ADGRG6: variants seen among roughly 807,000 people sequenced by gnomAD.
ADGRG6 encodes adhesion G protein-coupled receptor G6.
Under a neutral mutation model 142.4 loss-of-function variants are expected in ADGRG6, and 84 were observed. The ratio of observed to expected loss-of-function variants is 0.59; its 90% CI spans 0.49 to 0.71. The LOEUF is 0.71. Ranked by LOEUF, ADGRG6 falls within the 30% of genes least tolerant of loss-of-function variation. The pLI is 0.00. For missense variants in ADGRG6, 1,367 were observed against 1,466.6 expected, an observed-to-expected ratio of 0.93 and a Z score of 1.11; for synonymous variants, 521 against 520.5, an observed-to-expected ratio of 1.00 and a Z score of -0.01.
At chr6:142,402,471 T>C in intron 12 of ADGRG6, 149 bp from the exon 13 acceptor site, 1 of 567,234 alleles carries the variant, frequency 1.8e-6, no homozygotes, top group Admixed American at 3.4e-5. Context: ...TATTATTGCC[T>C]TGTGAATATG....
At position 142,417,906 on chromosome 6, in the gene ADGRG6, A is replaced by G. The variant is rs373441952; in HGVS notation, c.3035+537A>G. Among the ~76,000 whole-genome samples the G allele has an allele frequency of 2.6e-5, 4 of 152,162 alleles. 1 individual carries two copies. In the East Asian group the frequency reaches 5.8e-4, roughly 22 times the overall value. ...AGTCCACCATGGGTACTCAATAAAT[A>G]TATGTTGATTGAAAAAATTACTGAA... On this transcript the variant is annotated intron_variant, in intron 21 of 24. Coordinates refer to ENST00000367609, the MANE Select transcript of ADGRG6 (RefSeq NM_198569.3).
intron 22 of ADGRG6, among the ~76,000 whole-genome samples, chr6:142,421,389 A>C (rs112827773): frequency 5.3e-5 from 8 of 152,336 alleles, no homozygotes; most frequent in African/African-American, 1.9e-4. Flanking sequence ...AGTCCATAGA[A>C]TAAGCCTCAA....
At chr6:142,332,828 G>A (rs113753457) in intron 2 of ADGRG6, among the ~76,000 whole-genome samples, 5,187 of 152,298 alleles carry the variant, frequency 0.034, 155 homozygotes, top group Middle Eastern at 0.054. Flanking sequence ...GAAGGATCGT[G>A]GCAGTAAGAA....
chr6:142,360,911 G>A (rs766372075), intron 2 of ADGRG6, among the ~76,000 whole-genome samples: 2 of 152,204 alleles, frequency 1.3e-5, no homozygotes, highest in African/African-American at 2.4e-5. Flanking sequence ...CTCAGCCTCC[G>A]AAAGTGTTGG....
At chr6:142,342,476 T>G (rs1451513659) in intron 2 of ADGRG6, among the ~76,000 whole-genome samples, 4 of 152,096 alleles carry the variant, frequency 2.6e-5, no homozygotes, top group African/African-American at 9.7e-5. Context: ...GGAGATAAGA[T>G]TCCTGCCATT....
chr6:142,341,635 AATAT>A (rs1332715648), intron 2 of ADGRG6, among the ~76,000 whole-genome samples: 3 of 127,806 alleles, frequency 2.3e-5, no homozygotes, highest in East Asian at 2.0e-4. Context: ...TATAATATAT[AATAT>A]ATATAATATA....
chr6:142,333,051 A>G (rs1197813524), intron 2 of ADGRG6, among the ~76,000 whole-genome samples: 10 of 152,254 alleles, frequency 6.6e-5, no homozygotes, highest in Non-Finnish European at 5.9e-5. Context: ...ACAGGTTTCC[A>G]TTATTGAAAT....
chr6:142,325,366 C>T (rs1778721800), intron 2 of ADGRG6, among the ~76,000 whole-genome samples: 1 of 152,118 alleles, frequency 6.6e-6, no homozygotes, highest in Non-Finnish European at 1.5e-5. Context: ...TTACATCTCC[C>T]ACGAGGCTTG....
intron 2 of ADGRG6, among the ~76,000 whole-genome samples, chr6:142,322,270 C>T (rs1778554973): frequency 6.6e-6 from 1 of 152,036 alleles, no homozygotes; most frequent in Non-Finnish European, 1.5e-5. Flanking sequence ...CATGGTAGCA[C>T]ATGCCTGTGG....
chr6:142,347,112 T>A (rs961373304), intron 2 of ADGRG6, among the ~76,000 whole-genome samples: 2 of 152,172 alleles, frequency 1.3e-5, no homozygotes, highest in African/African-American at 4.8e-5. Flanking sequence ...TATGTATGGA[T>A]GTATATATGA....
rs148459824 is a variant in ADGRG6 at position 142,320,878 on chromosome 6, G to C, written c.103+11234G>C. 1.5e-3 allele frequency among the ~76,000 whole-genome samples: 226 copies of C among 151,954 alleles called. 1 individual carries two copies. The highest frequency in any genetic ancestry group is 5.1e-3 in the African/African-American group (213 of 41,466). ...CATCCCTTTCTGTAAATATATATTA[G>C]AGCAATAAGACATTTTCAAAGGCTG... is the stretch of plus-strand genomic sequence containing the variant. On this transcript the variant is annotated intron_variant, in intron 2 of 24. Coordinates refer to ENST00000367609, the MANE Select transcript of ADGRG6 (RefSeq NM_198569.3).
At chr6:142,320,746 T>C (rs1441149034) in intron 2 of ADGRG6, among the ~76,000 whole-genome samples, 1 of 152,078 alleles carries the variant, frequency 6.6e-6, no homozygotes, top group African/African-American at 2.4e-5. Context: ...TGATCAAAAA[T>C]TAGCTTCGGT....
intron 2 of ADGRG6, among the ~76,000 whole-genome samples, chr6:142,367,229 C>G (rs1339851480): frequency 6.6e-6 from 1 of 152,094 alleles, no homozygotes; most frequent in Admixed American, 6.6e-5. Context: ...TCGCTGTTGC[C>G]TCCTGAGGCC....
At chr6:142,439,913 TA>T (rs1393951820) in intron 24 of ADGRG6, among the ~76,000 whole-genome samples, 2 of 152,242 alleles carry the variant, frequency 1.3e-5, no homozygotes, top group South Asian at 2.1e-4. Flanking sequence ...TATAATGAAT[TA>T]TTTTTTTCAC....
intron 2 of ADGRG6, among the ~76,000 whole-genome samples, chr6:142,363,335 TA>T (rs556266338): frequency 7.4e-5 from 11 of 148,864 alleles, no homozygotes; most frequent in South Asian, 4.3e-4. Context: ...AATCTGAGAT[TA>T]AAAAAAAAAC....
At chr6:142,349,215 A>G (rs1419678771) in intron 2 of ADGRG6, among the ~76,000 whole-genome samples, 1 of 152,240 alleles carries the variant, frequency 6.6e-6, no homozygotes, top group Non-Finnish European at 1.5e-5. Context: ...CAGATGTTGC[A>G]GATAAAGTTC....
intron 2 of ADGRG6, among the ~76,000 whole-genome samples, chr6:142,344,022 G>T (rs1409885688): frequency 6.6e-6 from 1 of 151,928 alleles, no homozygotes; most frequent in Non-Finnish European, 1.5e-5. Context: ...TTGAACAACA[G>T]TTACAGTTCC....
intron 6 of ADGRG6, among the ~76,000 whole-genome samples, chr6:142,387,443 G>C (rs1782087391): frequency 6.6e-6 from 1 of 152,126 alleles, no homozygotes; most frequent in South Asian, 2.1e-4. Context: ...CATTTGAATG[G>C]ATCCATTACT....
intron 2 of ADGRG6, among the ~76,000 whole-genome samples, chr6:142,335,853 GAGAAA>G (rs1348265518): frequency 6.6e-6 from 1 of 152,176 alleles, no homozygotes; most frequent in African/African-American, 2.4e-5. Context: ...CTTGGAATCT[GAGAAA>G]AGAAAATTTC....
Sources: gnomAD v4.1 joint callset for allele counts (sites outside exome capture counted in the v4.1 genomes callset) on GRCh38, gnomAD v4.1.1 for gene constraint, MANE v1.5 for transcripts, NCBI Gene and HGNC (gene_info 2026-07-23, HGNC 2026-07-21) for gene names.